Variants in KAT6A observed in about 807,000 individuals in gnomAD.
KAT6A encodes the protein histone acetyltransferase KAT6A.
KAT6A carries 9 observed loss-of-function variants against 198.4 expected under a neutral mutation model. The ratio of observed to expected loss-of-function variants is 0.05; its 90% CI spans 0.03 to 0.08. KAT6A has a LOEUF of 0.08. KAT6A is among the 10% of genes least tolerant of loss of function. The pLI, the probability that KAT6A is intolerant of heterozygous loss-of-function variation, is 1.00. For synonymous variants in KAT6A, 890 were observed against 883.0 expected (o/e 1.01, Z -0.14); for missense variants, 2,077 against 2,509.9 (o/e 0.83, Z 3.69).
intron 9 of KAT6A, among the ~76,000 whole-genome samples, chr8:41,951,987 G>C (rs1365649839): frequency 6.6e-6 from 1 of 152,156 alleles, no homozygotes; most frequent in Admixed American, 6.5e-5. Flanking sequence ...CTTATACACT[G>C]TACTGTCTGG....
chr8:41,934,676 C>G lies in KAT6A; in HGVS notation c.3544G>C (p.Val1182Leu). 3 of 1,614,148 alleles carry G rather than the reference C, an allele frequency of 1.9e-6. No individual in the cohort carries two copies. Among genetic ancestry groups the G allele is most frequent in the African/African-American group, 1.3e-5 (1 of 75,036 alleles). ...GFKLSREIMP[V>L]STQACVIEPI... ...TCAATGACGCATGCTTGAGTAGAAA[C>G]TGGCATGATTTCCCGACTCAACTTA... Residue 1182 changes from valine (V) to leucine (L), a missense_variant, in exon 17 of 17, where the codon GTT becomes CTT. Coordinates refer to ENST00000265713, the MANE Select transcript of KAT6A (RefSeq NM_006766.5).
chr8:41,946,899 T>C (rs1254376136), intron 11 of KAT6A, among the ~76,000 whole-genome samples: 1 of 151,842 alleles, frequency 6.6e-6, no homozygotes, highest in Non-Finnish European at 1.5e-5. Context: ...AGAGTAAAAA[T>C]ATATAACAAA....
At chr8:41,976,025 G>A (rs1824033071) in intron 7 of KAT6A, among the ~76,000 whole-genome samples, 1 of 152,180 alleles carries the variant, frequency 6.6e-6, no homozygotes, top group African/African-American at 2.4e-5. Context: ...TGCTTAAAGA[G>A]TAATTAGTTG....
In KAT6A at chr8:42,048,772, T is replaced by G; in HGVS notation, c.206A>C (p.Asn69Thr). 1.2e-6 allele frequency: 2 copies of G among 1,614,230 alleles called. No individual in the cohort carries two copies. Among genetic ancestry groups the G allele is most frequent in the South Asian group, 1.1e-5 (1 of 91,086 alleles). Residue 69 changes from asparagine to threonine, a missense_variant, in exon 2 of 17, where the codon AAT becomes ACT. Asn to Thr is a moderately conservative substitution (Grantham distance 65). Around this residue, in one of 13 missense-constraint regions of KAT6A, gnomAD observed 185 missense variants for 185.7 expected, o/e 1.00. Coordinates refer to ENST00000265713, the MANE Select transcript of KAT6A (RefSeq NM_006766.5). ...TILKVSNKGL[N>T]SYKDPDNPGR... ...AGGATTATCAGGATCTTTATAGGAATTGAGTCCTTTATTTGAGACTTTTAA... is the reference window on the plus strand; with the variant it reads ...AGGATTATCAGGATCTTTATAGGAAGTGAGTCCTTTATTTGAGACTTTTAA...
At chr8:42,004,585 T>C (rs1235242673) in intron 2 of KAT6A, among the ~76,000 whole-genome samples, 1 of 152,188 alleles carries the variant, frequency 6.6e-6, no homozygotes, top group Non-Finnish European at 1.5e-5. Flanking sequence ...GTAAATGAGA[T>C]CATTTTTTCT....
chr8:42,037,639 C>T (rs1336521833), intron 2 of KAT6A, among the ~76,000 whole-genome samples: 2 of 149,668 alleles, frequency 1.3e-5, no homozygotes, highest in African/African-American at 2.5e-5. Flanking sequence ...ACCTATTCTA[C>T]ATAAAAGGTA....
intron 2 of KAT6A, among the ~76,000 whole-genome samples, chr8:42,041,959 T>C (rs186883723): frequency 7.2e-5 from 11 of 152,316 alleles, no homozygotes; most frequent in East Asian, 1.9e-4. Context: ...CTGAATTTAA[T>C]AGCATGGACA....
chr8:41,976,873 T>C, intron 7 of KAT6A, 135 bp downstream of exon 7: 1 of 751,766 alleles, frequency 1.3e-6, no homozygotes, highest in Non-Finnish European at 2.0e-6. Context: ...CATCTACATG[T>C]TTTTTCAATG....
intron 2 of KAT6A, among the ~76,000 whole-genome samples, chr8:41,992,327 G>A (rs1824988205): frequency 6.6e-6 from 1 of 152,222 alleles, no homozygotes; most frequent in Admixed American, 6.5e-5. Flanking sequence ...AAACTGCCAT[G>A]AACGGACAGA....
chr8:41,969,970 T>C (rs1338671410), intron 8 of KAT6A, among the ~76,000 whole-genome samples: 7 of 152,198 alleles, frequency 4.6e-5, no homozygotes, highest in Admixed American at 4.6e-4. Flanking sequence ...TTCAAAAGTC[T>C]TCCCTTCTCA....
At chr8:42,047,850 T>C (rs1802391525) in intron 2 of KAT6A, among the ~76,000 whole-genome samples, 1 of 152,124 alleles carries the variant, frequency 6.6e-6, no homozygotes, top group South Asian at 2.1e-4. Context: ...GAAACAAGAA[T>C]TGCTAAGTTT....
At chr8:42,026,010 C>G (rs987525257) in intron 2 of KAT6A, among the ~76,000 whole-genome samples, 3 of 152,146 alleles carry the variant, frequency 2.0e-5, no homozygotes, top group Non-Finnish European at 4.4e-5. Flanking sequence ...TCCAGCTTTC[C>G]CAGCATCATT....
chr8:42,026,132 G>C (rs565398630), intron 2 of KAT6A, among the ~76,000 whole-genome samples: 1 of 152,196 alleles, frequency 6.6e-6, no homozygotes, highest in South Asian at 2.1e-4. Context: ...CCAGTGGTCT[G>C]TCTGTTTTTA....
At chr8:41,968,522 T>C (rs1017398673) in intron 8 of KAT6A, among the ~76,000 whole-genome samples, 5 of 152,190 alleles carry the variant, frequency 3.3e-5, no homozygotes, top group South Asian at 4.1e-4. Flanking sequence ...TTTACACTGT[T>C]GGTGGGACTG....
Position 41,933,597 on chromosome 8 carries a change from G to A in KAT6A, c.4623C>T (p.His1541=), listed in dbSNP as rs531805211. ...PMMDVPSVSD[H]SQQVVDSGFS... is the part of the protein sequence containing the mutation. ...AGCCGCTGTCCACCACCTGCTGAGA[G>A]TGGTCTGATACGGAAGGCACATCCA... The change falls in exon 17 of 17, where the codon CAC becomes CAT. Residue 1541 remains histidine (H), a synonymous_variant. Coordinates refer to ENST00000265713, the MANE Select transcript of KAT6A (RefSeq NM_006766.5). The surrounding 1 kb of genome is among the most constrained non-coding windows in gnomAD (Gnocchi z 6.2). 6.2e-7 allele frequency: 1 copy of A among 1,614,194 alleles called. No individual in the cohort carries two copies. The highest frequency in any genetic ancestry group is 1.3e-5 in the African/African-American group (1 of 75,050).
At chr8:41,964,627 GAAA>G (rs61710510) in intron 8 of KAT6A, among the ~76,000 whole-genome samples, 45,818 of 130,870 alleles carry the variant, frequency 0.35, 7,335 homozygotes, top group Middle Eastern at 0.47. Flanking sequence ...TCCAAAATCT[GAAA>G]AAAAAAAAAA....
At chr8:41,948,817 CAATT>C (rs1186542401) in intron 10 of KAT6A, among the ~76,000 whole-genome samples, 1 of 151,982 alleles carries the variant, frequency 6.6e-6, no homozygotes, top group African/African-American at 2.4e-5. Flanking sequence ...AGCAAGTACT[CAATT>C]AATACTTGGC....
At chr8:42,040,633 G>T (rs1214912065) in intron 2 of KAT6A, among the ~76,000 whole-genome samples, 3 of 149,744 alleles carry the variant, frequency 2.0e-5, no homozygotes, top group Non-Finnish European at 4.4e-5. Context: ...TACTCGGGAG[G>T]CTGAGGCAGG....
At chr8:41,935,748 T>A (rs896669883) in intron 16 of KAT6A, among the ~76,000 whole-genome samples, 5 of 152,096 alleles carry the variant, frequency 3.3e-5, no homozygotes, top group East Asian at 1.9e-4. Context: ...AACTTGAAAG[T>A]CAACAAAGGA....
Sources: allele counts gnomAD v4.1 joint callset (sites outside exome capture counted in the v4.1 genomes callset), GRCh38; gene constraint gnomAD v4.1.1; regional missense constraint gnomAD v4.1.1; non-coding constraint Gnocchi (gnomAD v3.1); transcripts MANE v1.5; gene names NCBI Gene and HGNC (gene_info 2026-07-23, HGNC 2026-07-21).